COL4A3: variants seen among roughly 807,000 people sequenced by gnomAD.
COL4A3 encodes collagen type IV alpha 3 chain.
A neutral mutation model predicts 217.4 loss-of-function variants in COL4A3; 135 were observed. The ratio of observed to expected loss-of-function variants is 0.62; its 90% CI spans 0.54 to 0.72. The LOEUF (loss-of-function observed/expected upper bound fraction) is 0.72, where lower values mean the gene tolerates loss of function less well. COL4A3 is among the 30% of genes least tolerant of loss of function. The pLI is 0.00. For synonymous variants in COL4A3, 690 were observed against 736.3 expected, an observed-to-expected ratio of 0.94 and a Z score of 1.02; for missense variants, 1,868 against 2,119.9, an observed-to-expected ratio of 0.88 and a Z score of 2.33.
intron 28 of COL4A3, among the ~76,000 whole-genome samples, chr2:227,278,709 C>T (rs938197384): frequency 2.0e-4 from 30 of 152,304 alleles, no homozygotes; most frequent in African/African-American, 6.7e-4. Flanking sequence ...TACTTTGTAA[C>T]TCTAGGTATT....
chr2:227,207,775 T>C (rs1387717480), intron 1 of COL4A3, among the ~76,000 whole-genome samples: 1 of 152,152 alleles, frequency 6.6e-6, no homozygotes, highest in East Asian at 1.9e-4. Flanking sequence ...GTAAATTGAG[T>C]GTTATCTCTC....
At chr2:227,298,641 C>T (rs2073139393) in intron 42 of COL4A3, 41 bp from the exon 43 acceptor site, 5 of 1,612,100 alleles carry the variant, frequency 3.1e-6, no homozygotes, top group Non-Finnish European at 4.2e-6. Flanking sequence ...ACCTTCCAAG[C>T]TCCCTGGCTG....
intron 50 of COL4A3, 116 bp downstream of exon 50, chr2:227,309,434 T>C (rs2073652543): frequency 1.3e-6 from 1 of 777,986 alleles, no homozygotes; most frequent in African/African-American, 1.7e-5. Context: ...GTGTGCAACA[T>C]GCCATAGACA....
intron 43 of COL4A3, among the ~76,000 whole-genome samples, chr2:227,299,845 G>A (rs910620170): frequency 6.6e-6 from 1 of 152,154 alleles, no homozygotes; most frequent in Non-Finnish European, 1.5e-5. Context: ...CCCTGAACAA[G>A]TCCAGTGACG....
At chr2:227,180,232 T>C in intron 1 of COL4A3, among the ~76,000 whole-genome samples, 1 of 152,142 alleles carries the variant, frequency 6.6e-6, no homozygotes, top group East Asian at 1.9e-4. Flanking sequence ...CAATAAAAAC[T>C]GAGAACAGGG....
intron 17 of COL4A3, chr2:227,256,613 T>G: frequency 1.4e-6 from 1 of 727,318 alleles, no homozygotes. Context: ...TACTGTGTAC[T>G]TGAAGCTGTC....
intron 1 of COL4A3, among the ~76,000 whole-genome samples, chr2:227,184,097 A>G (rs572899246): frequency 2.0e-4 from 30 of 152,362 alleles, no homozygotes; most frequent in African/African-American, 7.0e-4. Context: ...GCAAGACATC[A>G]GGAATCCAGA....
chr2:227,250,520 AAT>A lies in COL4A3; in HGVS notation c.547-607_547-606del, dbSNP rs201576405. Among the ~76,000 whole-genome samples the A allele has an allele frequency of 0.026, 4,004 of 151,616 alleles. 170 individuals carry two copies. The highest frequency in any genetic ancestry group is 0.095 in the Admixed American group (1,444 of 15,186). On this transcript the variant is annotated intron_variant, in intron 9 of 51. Transcript: ENST00000396578. The surrounding 1 kb of genome is among the most constrained non-coding windows in gnomAD (Gnocchi z 4.1). Reference sequence around the variant, plus strand: ...AACACAGCAAGACCCAGTCTCTTAAAATATATATATATATTGCCTTCATAGAG... The same window carrying A: ...AACACAGCAAGACCCAGTCTCTTAAAATATATATATATTGCCTTCATAGAG...
chr2:227,197,410 A>C lies in COL4A3; in HGVS notation c.87+32597A>C, dbSNP rs541595135. ...ATCAGCAGCCTGAAAACAGACTAAT[A>C]CAGTAGGCTATACATCTAGGTTTGT... On this transcript the variant is annotated intron_variant, in intron 1 of 51. Transcript: ENST00000396578. Among the ~76,000 whole-genome samples, 7 of 152,268 alleles carry C rather than the reference A, an allele frequency of 4.6e-5. No individual in the cohort carries two copies. In the South Asian group the frequency reaches 1.5e-3, roughly 32 times the overall value.
chr2:227,190,662 T>C (rs1001589753), intron 1 of COL4A3, among the ~76,000 whole-genome samples: 4 of 152,178 alleles, frequency 2.6e-5, no homozygotes, highest in Non-Finnish European at 4.4e-5. Flanking sequence ...TCCCAGCACT[T>C]TGGGGAGGCC....
At chr2:227,303,817 T>C (rs745546974) in intron 44 of COL4A3, 42 bp from the exon 45 acceptor site, 118 of 1,585,276 alleles carry the variant, frequency 7.4e-5, no homozygotes, top group Non-Finnish European at 7.6e-5. Flanking sequence ...AGGAAACCCA[T>C]TGATCTAAGT....
At chr2:227,215,370 G>A (rs1445321475) in intron 1 of COL4A3, among the ~76,000 whole-genome samples, 1 of 152,140 alleles carries the variant, frequency 6.6e-6, no homozygotes, top group African/African-American at 2.4e-5. Flanking sequence ...TCTGTCTGAT[G>A]TTTTTATGAG....
At chr2:227,169,339 C>T (rs532701327) in intron 1 of COL4A3, 236 of 149,574 alleles carry the variant, frequency 1.6e-3, no homozygotes, top group African/African-American at 5.5e-3. Flanking sequence ...TGAATAGTGC[C>T]GCAATAAACA....
intron 43 of COL4A3, among the ~76,000 whole-genome samples, chr2:227,300,594 T>C (rs1003827874): frequency 1.3e-5 from 2 of 152,194 alleles, no homozygotes; most frequent in Non-Finnish European, 1.5e-5. Context: ...AATAGATGAA[T>C]GTGACTCAGG....
intron 1 of COL4A3, among the ~76,000 whole-genome samples, chr2:227,197,118 C>T (rs1211126133): frequency 6.6e-6 from 1 of 152,182 alleles, no homozygotes; most frequent in Non-Finnish European, 1.5e-5. Flanking sequence ...GATTGTGAGG[C>T]CTCCCCAGCC....
At chr2:227,177,103 A>G (rs1434159093) in intron 1 of COL4A3, among the ~76,000 whole-genome samples, 1 of 151,498 alleles carries the variant, frequency 6.6e-6, no homozygotes, top group Admixed American at 6.6e-5. Flanking sequence ...TTTTCCTCCT[A>G]ACAACAGACT....
At chr2:227,257,946 GACA>G (rs2070296068) in intron 18 of COL4A3, among the ~76,000 whole-genome samples, 1 of 152,198 alleles carries the variant, frequency 6.6e-6, no homozygotes, top group Non-Finnish European at 1.5e-5. Context: ...AGGACAGTGA[GACA>G]ACAAGGGATG....
At position 227,257,615 on chromosome 2, in the gene COL4A3, G is replaced by C. The variant is rs767340735; in HGVS notation, c.1000G>C (p.Asp334His). The C allele has an allele frequency of 8.7e-6, 14 of 1,613,682 alleles. No individual in the cohort carries two copies. In the South Asian group the frequency reaches 1.3e-4, roughly 15 times the overall value. Residue 334 changes from aspartate (D) to histidine (H), a missense_variant, in exon 18 of 52, where the codon GAC becomes CAC. By Grantham distance (81) the Asp-to-His change is moderately conservative. Transcript: ENST00000396578. ...TCTTTCACTGTAGGGACAGAAAGGG[G>C]ACATTGGCCCTCCAGGATTTCGTGG... is the stretch of plus-strand genomic sequence containing the variant. ...GEDGIKGQKG[D>H]IGPPGFRGPT...
intron 1 of COL4A3, among the ~76,000 whole-genome samples, chr2:227,193,746 AG>A (rs768634916): frequency 1.6e-5 from 1 of 60,878 alleles, no homozygotes; most frequent in African/African-American, 6.1e-5. Context: ...GGAGGGAGGG[AG>A]GGAAGGAAGG....
Sources: gnomAD v4.1 joint callset for allele counts (sites outside exome capture counted in the v4.1 genomes callset) on GRCh38, gnomAD v4.1.1 for gene constraint, Gnocchi (gnomAD v3.1) non-coding constraint, MANE v1.5 for transcripts, NCBI Gene and HGNC (gene_info 2026-07-23, HGNC 2026-07-21) for gene names.